Variants in KLF12 observed in about 807,000 individuals in gnomAD.
The protein encoded by KLF12 is Krueppel-like factor 12.
In KLF12, 9 loss-of-function variants were observed where a neutral mutation model predicts 37.8. The ratio of observed to expected loss-of-function variants is 0.24; its 90% CI spans 0.14 to 0.42. The LOEUF is 0.42. KLF12 is among the 10% of genes least tolerant of loss of function. The pLI is 1.00. For missense variants in KLF12, 411 were observed against 516.0 expected (o/e 0.80, Z 1.97); for synonymous variants, 208 against 202.1 (o/e 1.03, Z -0.25).
the KLF12 span, among the ~76,000 whole-genome samples, chr13:74,145,247 C>T: frequency 6.6e-6 from 1 of 152,140 alleles, no homozygotes; most frequent in East Asian, 1.9e-4. Context: ...CAGTCCATCA[C>T]TATCAAACTT....
chr13:73,977,452 T>C (rs1052155684), intron 2 of KLF12, among the ~76,000 whole-genome samples: 1 of 152,230 alleles, frequency 6.6e-6, no homozygotes, highest in Non-Finnish European at 1.5e-5. Context: ...GACTACACGC[T>C]ATAAATATAA....
chr13:73,758,736 G>C (rs1017149578), intron 6 of KLF12, among the ~76,000 whole-genome samples: 2 of 152,108 alleles, frequency 1.3e-5, no homozygotes, highest in Non-Finnish European at 2.9e-5. Flanking sequence ...AATAATTACA[G>C]AAAATTATCT....
chr13:73,880,087 A>C (rs1283595924), intron 3 of KLF12, among the ~76,000 whole-genome samples: 1 of 151,934 alleles, frequency 6.6e-6, no homozygotes, highest in Non-Finnish European at 1.5e-5. Flanking sequence ...CTCCTTTGAG[A>C]CTCAGCTCAA....
chr13:74,166,588 A>G, the KLF12 span, among the ~76,000 whole-genome samples: 1 of 152,108 alleles, frequency 6.6e-6, no homozygotes, highest in Non-Finnish European at 1.5e-5. Flanking sequence ...TAGAAAACCG[A>G]CATATAAGTT....
chr13:74,143,132 G>T, the KLF12 span, among the ~76,000 whole-genome samples: 2 of 139,796 alleles, frequency 1.4e-5, no homozygotes, highest in Non-Finnish European at 3.0e-5. Flanking sequence ...CCTCCTCCTC[G>T]TCCTATTCCG....
the KLF12 span, among the ~76,000 whole-genome samples, chr13:74,244,325 G>A: frequency 6.6e-6 from 1 of 152,124 alleles, no homozygotes; most frequent in Admixed American, 6.5e-5. Flanking sequence ...ACATTCAGGG[G>A]CTCCCCATAG....
chr13:74,019,607 T>C (rs745863476), intron 1 of KLF12, among the ~76,000 whole-genome samples: 1 of 152,260 alleles, frequency 6.6e-6, no homozygotes, highest in Non-Finnish European at 1.5e-5. Flanking sequence ...ATCAATATAA[T>C]GTTACATCTC....
intron 3 of KLF12, among the ~76,000 whole-genome samples, chr13:73,879,328 C>A (rs80074132): frequency 1.3e-5 from 2 of 152,176 alleles, no homozygotes; most frequent in African/African-American, 2.4e-5. Context: ...TTTGGTGAAG[C>A]CTTCCTTTAT....
intron 7 of KLF12, among the ~76,000 whole-genome samples, chr13:73,698,062 CAGA>C (rs1874274169): frequency 6.6e-6 from 1 of 151,704 alleles, no homozygotes; most frequent in Non-Finnish European, 1.5e-5. Context: ...GAGGCTGAGG[CAGA>C]AGAATTGCTT....
chr13:73,831,495 A>G (rs1207528259), intron 4 of KLF12, among the ~76,000 whole-genome samples: 1 of 152,114 alleles, frequency 6.6e-6, no homozygotes, highest in East Asian at 1.9e-4. Flanking sequence ...TTTCAAATGG[A>G]CTGATGATAA....
chr13:74,139,520 C>T, the KLF12 span, among the ~76,000 whole-genome samples: 1 of 152,130 alleles, frequency 6.6e-6, no homozygotes, highest in Non-Finnish European at 1.5e-5. Context: ...ACCTTTTGAA[C>T]ATTAATTCTG....
chr13:74,164,557 C>A, the KLF12 span, among the ~76,000 whole-genome samples: 5 of 152,178 alleles, frequency 3.3e-5, no homozygotes, highest in African/African-American at 1.2e-4. Context: ...TAAATAGTTT[C>A]TTGAATTCCT....
At chr13:73,736,050 C>G (rs949137023) in intron 6 of KLF12, among the ~76,000 whole-genome samples, 6 of 151,932 alleles carry the variant, frequency 3.9e-5, no homozygotes, top group African/African-American at 7.3e-5. Flanking sequence ...CAGCTCCTCT[C>G]TCACCTATGC....
At chr13:74,242,741 G>A in the KLF12 span, among the ~76,000 whole-genome samples, 69 of 152,182 alleles carry the variant, frequency 4.5e-4, 1 homozygote, top group Admixed American at 2.3e-3. Flanking sequence ...AGGATACTGG[G>A]GATACAAGGG....
At chr13:74,069,795 G>T (rs1031403398) in intron 1 of KLF12, among the ~76,000 whole-genome samples, 3 of 152,192 alleles carry the variant, frequency 2.0e-5, no homozygotes, top group Non-Finnish European at 4.4e-5. Context: ...GACGTGAAAA[G>T]AGTGAAGGAT....
chr13:74,216,166 C>T, the KLF12 span, among the ~76,000 whole-genome samples: 1 of 152,148 alleles, frequency 6.6e-6, no homozygotes, highest in East Asian at 1.9e-4. Context: ...TTATCTCTCC[C>T]ATATTTGAAA....
At chr13:74,243,400 T>C in the KLF12 span, among the ~76,000 whole-genome samples, 1 of 152,208 alleles carries the variant, frequency 6.6e-6, no homozygotes, top group African/African-American at 2.4e-5. Flanking sequence ...TTGTGAATAG[T>C]GCTACAATAA....
At chr13:74,194,573 G>T in the KLF12 span, among the ~76,000 whole-genome samples, 4 of 152,262 alleles carry the variant, frequency 2.6e-5, no homozygotes, top group Non-Finnish European at 5.9e-5. Flanking sequence ...CCACTCACAA[G>T]GGGGAAGAGA....
chr13:73,908,406 A>AC (rs201274297), intron 3 of KLF12, among the ~76,000 whole-genome samples: 7,112 of 150,146 alleles, frequency 0.047, 436 homozygotes, highest in African/African-American at 0.14. Flanking sequence ...TGTCTCAAAA[A>AC]AAAAAAACAA....
Sources: allele counts gnomAD v4.1 joint callset (sites outside exome capture counted in the v4.1 genomes callset), GRCh38; gene constraint gnomAD v4.1.1; transcripts MANE v1.5; gene names NCBI Gene and HGNC (gene_info 2026-07-23, HGNC 2026-07-21).